The following IQCH variants were observed in gnomAD, a reference collection of about 807,000 sequenced individuals.
IQCH encodes the protein IQ motif containing H, also known as IQ domain-containing protein H.
A neutral mutation model predicts 117.0 loss-of-function variants in IQCH; 98 were observed. That is an observed-to-expected ratio of 0.84 (90% CI 0.71 to 0.99). IQCH has a LOEUF of 0.99. Ranked by LOEUF, IQCH falls within the 50% of genes least tolerant of loss-of-function variation. The pLI is 0.00. For missense variants in IQCH, 1,102 were observed against 1,243.8 expected (o/e 0.89, Z 1.72); for synonymous variants, 412 against 448.2 (o/e 0.92, Z 1.02).
intron 4 of IQCH, among the ~76,000 whole-genome samples, chr15:67,333,869 C>G (rs192652525): frequency 6.6e-6 from 1 of 152,018 alleles, no homozygotes; most frequent in Non-Finnish European, 1.5e-5. Flanking sequence ...CTAGCCTGGG[C>G]AACATAGCGA....
intron 4 of IQCH, among the ~76,000 whole-genome samples, chr15:67,293,959 G>T (rs1966838837): frequency 6.6e-6 from 1 of 152,158 alleles, no homozygotes. Flanking sequence ...AGTTATTGGA[G>T]GCTTTCACCA....
Position 67,458,398 on chromosome 15 carries a change from C to T in IQCH, c.2506-6729C>T, listed in dbSNP as rs1461084934. Among the ~76,000 whole-genome samples, 1 of 152,236 alleles carries T rather than the reference C, an allele frequency of 6.6e-6. No homozygotes were observed. The highest frequency in any genetic ancestry group is 1.9e-4 in the East Asian group (1 of 5,204). ...TTGAAAAATATCTATAATACAACCACTTCTCCCACCTTCCAGTTACCAGTG... is the reference window on the plus strand; with the variant it reads ...TTGAAAAATATCTATAATACAACCATTTCTCCCACCTTCCAGTTACCAGTG... On this transcript the variant is annotated intron_variant, in intron 16 of 20. Transcript: ENST00000335894. This position sits in a 1 kb window ranked among gnomAD's most constrained non-coding sequence, Gnocchi z 4.1.
intron 6 of IQCH, among the ~76,000 whole-genome samples, chr15:67,350,408 T>G (rs1969603096): frequency 6.6e-6 from 1 of 151,842 alleles, no homozygotes; most frequent in Admixed American, 6.6e-5. Flanking sequence ...TTGGCAGGTA[T>G]TGGAATTGTT....
At chr15:67,354,791 G>T (rs1043505273) in intron 6 of IQCH, among the ~76,000 whole-genome samples, 3 of 152,172 alleles carry the variant, frequency 2.0e-5, no homozygotes, top group Admixed American at 6.5e-5. Context: ...TTGATCAGCA[G>T]GTTGTCATGG....
Position 67,372,230 on chromosome 15 carries a change from T to C in IQCH, c.873T>C (p.Phe291=), listed in dbSNP as rs745848503. The change falls in exon 9 of 21, where the codon TTT becomes TTC. Residue 291 remains phenylalanine (F), a synonymous_variant. Coordinates refer to ENST00000335894, the MANE Select transcript of IQCH (RefSeq NM_001031715.3). ...ACTTCTTAGCATTCAAGGAACATTT[T>C]AGCTTAGCTTGGGGAGGTATTTTTT... is the stretch of plus-strand genomic sequence containing the variant. ...APDFLAFKEH[F]SLAWGGIFSL... 6.2e-7 allele frequency: 1 copy of C among 1,614,142 alleles called. No homozygotes were observed. Among genetic ancestry groups the C allele is most frequent in the Non-Finnish European group, 8.5e-7 (1 of 1,179,994 alleles).
chr15:67,492,313 G>A (rs1055538522), intron 19 of IQCH, among the ~76,000 whole-genome samples: 1 of 152,184 alleles, frequency 6.6e-6, no homozygotes, highest in African/African-American at 2.4e-5. Context: ...GTCTTACTGG[G>A]CACCAGCTGG....
chr15:67,276,793 G>A (rs948930575), intron 3 of IQCH, among the ~76,000 whole-genome samples: 1 of 152,096 alleles, frequency 6.6e-6, no homozygotes, highest in East Asian at 1.9e-4. Context: ...ATGTATAGGT[G>A]TAGGGTTTTG....
At chr15:67,434,983 C>CT (rs2082102652) in intron 16 of IQCH, among the ~76,000 whole-genome samples, 1 of 50,958 alleles carries the variant, frequency 2.0e-5, no homozygotes, top group Non-Finnish European at 5.3e-5. Flanking sequence ...TATTTTGTAT[C>CT]TTTGTTTTTT....
chr15:67,280,003 G>T (rs568599609), intron 4 of IQCH, among the ~76,000 whole-genome samples: 1 of 151,668 alleles, frequency 6.6e-6, no homozygotes, highest in South Asian at 2.1e-4. Context: ...GCGACAGAGC[G>T]AGACTCCGTC....
At chr15:67,440,256 C>T (rs1162814544) in intron 16 of IQCH, among the ~76,000 whole-genome samples, 1 of 152,122 alleles carries the variant, frequency 6.6e-6, no homozygotes, top group African/African-American at 2.4e-5. Context: ...AGTCCAAGAC[C>T]AGACGTATTC....
rs1298589818 is a variant in IQCH, at chr15:67,481,172, A to T, written c.2799+5354A>T. 1.3e-5 allele frequency among the ~76,000 whole-genome samples: 2 copies of T among 152,176 alleles called. No homozygotes were observed. The highest frequency in any genetic ancestry group is 2.9e-5 in the Non-Finnish European group (2 of 68,026). ...ATCTCAGAGTATGAATCCAACAAAG[A>T]TTATGGCATCCAGTACTGTATTAGT... On this transcript the variant is annotated intron_variant, in intron 18 of 20. Transcript: ENST00000335894. This position sits in a 1 kb window ranked among gnomAD's most constrained non-coding sequence, Gnocchi z 4.1.
chr15:67,452,673 C>G (rs1244927068), intron 16 of IQCH, among the ~76,000 whole-genome samples: 1 of 152,202 alleles, frequency 6.6e-6, no homozygotes, highest in Non-Finnish European at 1.5e-5. Flanking sequence ...TCCTTCATTT[C>G]AACTTTGGTG....
intron 18 of IQCH, among the ~76,000 whole-genome samples, chr15:67,480,367 T>C (rs149787001): frequency 6.6e-6 from 1 of 152,332 alleles, no homozygotes; most frequent in Admixed American, 6.5e-5. Flanking sequence ...AGCCACTTCC[T>C]GAGTTGCCAT....
At chr15:67,378,969 A>T (rs1194507176) in intron 10 of IQCH, among the ~76,000 whole-genome samples, 3 of 152,220 alleles carry the variant, frequency 2.0e-5, no homozygotes, top group Non-Finnish European at 4.4e-5. Context: ...TGAAATTAAA[A>T]CAGTAATTTT....
In IQCH at chr15:67,481,206, A is replaced by G. The variant is rs777042775; in HGVS notation, c.2799+5388A>G. Among the ~76,000 whole-genome samples, 44 of 152,206 alleles carry G rather than the reference A, an allele frequency of 2.9e-4. No homozygotes were observed. The highest frequency in any genetic ancestry group is 5.6e-4 in the Non-Finnish European group (38 of 68,030). On this transcript the variant is annotated intron_variant, in intron 18 of 20. Transcript: ENST00000335894. The surrounding 1 kb of genome is among the most constrained non-coding windows in gnomAD (Gnocchi z 4.1). ...TCCAGTACTGTATTAGTCTGTTCTC[A>G]TGCTGCTATAAAGAAATACCCAAGA...
chr15:67,266,404 C>T (rs1019191078), intron 3 of IQCH, among the ~76,000 whole-genome samples: 27 of 152,030 alleles, frequency 1.8e-4, no homozygotes, highest in Non-Finnish European at 3.7e-4. Context: ...CACCTGTAAT[C>T]CCAGCATTTT....
intron 4 of IQCH, among the ~76,000 whole-genome samples, chr15:67,288,056 A>G (rs935501528): frequency 6.6e-6 from 1 of 152,090 alleles, no homozygotes; most frequent in Non-Finnish European, 1.5e-5. Flanking sequence ...AGTTTCCAAA[A>G]TTATTTTTGT....
At chr15:67,354,535 G>A (rs1400499470) in intron 6 of IQCH, among the ~76,000 whole-genome samples, 1 of 152,068 alleles carries the variant, frequency 6.6e-6, no homozygotes, top group Admixed American at 6.5e-5. Flanking sequence ...TCTACTTCTC[G>A]ATTAAAAGCA....
rs893271434 is a variant in IQCH at position 67,487,419 on chromosome 15, A to T, written c.2800-2584A>T. On this transcript the variant is annotated intron_variant, in intron 18 of 20. Transcript: ENST00000335894. Reference sequence around the variant, plus strand: ...GTGAGGCACTCTTCCTGAGCACAAAACTTAAGGAAAACACACACACACACA... The same window carrying T: ...GTGAGGCACTCTTCCTGAGCACAAATCTTAAGGAAAACACACACACACACA... Among the ~76,000 whole-genome samples, 4 of 121,284 alleles carry T rather than the reference A, an allele frequency of 3.3e-5. No individual in the cohort carries two copies. The Admixed American group carries it at 3.7e-4, about 11-fold the overall frequency. The allele number at this position is 121,284 out of a possible 152,430, so 79.6% of individuals were successfully genotyped here.
Sources: allele counts gnomAD v4.1 joint callset (sites outside exome capture counted in the v4.1 genomes callset), GRCh38; gene constraint gnomAD v4.1.1; non-coding constraint Gnocchi (gnomAD v3.1); transcripts MANE v1.5; gene names NCBI Gene and HGNC (gene_info 2026-07-23, HGNC 2026-07-21).